The following TTN variants were observed in gnomAD, a reference collection of about 807,000 sequenced individuals.
The protein encoded by TTN is connectin.
TTN carries 1,525 observed loss-of-function variants against 3,223.0 expected under a neutral mutation model. The observed-to-expected ratio is 0.47, with a 90% CI of 0.45 to 0.49. The LOEUF is 0.49. TTN is among the 20% of genes least tolerant of loss of function. TTN has a pLI of 0.00. For missense variants in TTN, 40,786 were observed against 43,424.0 expected (o/e 0.94, Z 5.40); for synonymous variants, 14,094 against 15,161.0 (o/e 0.93, Z 5.17).
chr2:178,685,145 C>G (rs547876201), intron 129 of TTN, 108 bp downstream of exon 129: 3 of 1,194,752 alleles, frequency 2.5e-6, no homozygotes, highest in Admixed American at 2.5e-5. Context: ...TCTGACAAAA[C>G]GTAGACAGTT....
Position 178,732,600 on chromosome 2 carries a change from G to C in TTN, c.16461C>G (p.Asn5487Lys). ...AGCTTCCACCAGAAACCAGCTCTTT[G>C]TTGCCCTTAAACCATCTGATTGTGA... is the stretch of plus-strand genomic sequence containing the variant. ...TPLTIRWFKG[N>K]KELVSGGSCY... is the part of the protein sequence containing the mutation. The change falls in exon 56 of 363, where the codon AAC (asparagine) becomes AAG (lysine). Residue 5487 changes from asparagine (N) to lysine (K), a missense_variant. Coordinates refer to ENST00000589042, the MANE Select transcript of TTN (RefSeq NM_001267550.2). The C allele has an allele frequency of 6.2e-7, 1 of 1,613,614 alleles. No individual in the cohort carries two copies. The highest frequency in any genetic ancestry group is 8.5e-7 in the Non-Finnish European group (1 of 1,179,724).
Position 178,675,725 on chromosome 2 carries a change from C to G in TTN, c.34483G>C (p.Glu11495Gln), listed in dbSNP as rs1450849145. The change falls in exon 149 of 363, where the codon GAA becomes CAA. Residue 11495 changes from glutamate to glutamine, a missense_variant. By Grantham distance (29) the Glu-to-Gln change is conservative (BLOSUM62 2). Transcript: ENST00000589042. The part of the protein sequence containing the change: ...VSVVPKKPEP[E>Q]KKVPPPGLKK... ...AGACCAGGAGGAGGGACCTTCTTTT[C>G]TGGCTCAGGTTTCTTAGGTACCACA... 4.2e-6 allele frequency: 6 copies of G among 1,431,986 alleles called. No homozygotes were observed. Among genetic ancestry groups the G allele is most frequent in the Non-Finnish European group, 4.5e-6 (5 of 1,102,150 alleles). 88.7% of individuals were successfully genotyped at this position (1,431,986 alleles called of 1,614,324 possible).
At position 178,544,500 on chromosome 2, in the gene TTN, G is replaced by A; in HGVS notation, c.95729C>T (p.Pro31910Leu). The change falls in exon 345 of 363, where the codon CCT becomes CTT. Residue 31910 changes from proline to leucine, a missense_variant. Pro to Leu is a moderately conservative substitution (Grantham distance 98). Transcript: ENST00000589042. Reference protein sequence around the residue: ...FISCREPSYTPGPPSAPRVVD... With the variant: ...FISCREPSYTLGPPSAPRVVD... ...AACTCTTGGAGCAGAAGGTGGTCCA[G>A]GGGTATCTGTGGAATTTAAAAAGTG... The A allele has an allele frequency of 6.3e-7, 1 of 1,592,154 alleles. No homozygotes were observed. Among genetic ancestry groups the A allele is most frequent in the Non-Finnish European group, 8.6e-7 (1 of 1,164,332 alleles).
rs10580462 is a variant in TTN at position 178,647,040 on chromosome 2, GTATA to G, written c.40222+20_40222+23del. The G allele has an allele frequency of 0.02, 13,962 of 714,078 alleles. No homozygotes were observed. The highest frequency in any genetic ancestry group is 0.03 in the Middle Eastern group (63 of 2,092). 44.2% of individuals were successfully genotyped at this position (714,078 alleles called of 1,614,324 possible). A position where few individuals can be genotyped will look rare whatever the true frequency, so the allele number is the denominator to read the frequency against. On this transcript the variant is annotated intron_variant, in intron 215 of 362. Coordinates refer to ENST00000589042, the MANE Select transcript of TTN (RefSeq NM_001267550.2). ...GGAATCTTCAGGAGATTAAAAAAATGTATATATATATATATATATATACCTTCAA... is the reference window on the plus strand; with the variant it reads ...GGAATCTTCAGGAGATTAAAAAAATGTATATATATATATATATACCTTCAA...
intron 17 of TTN, among the ~76,000 whole-genome samples, 186 bp from the exon 18 acceptor site, chr2:178,783,250 G>A (rs1381193141): frequency 6.6e-6 from 1 of 152,112 alleles, no homozygotes; most frequent in Non-Finnish European, 1.5e-5. Context: ...TTAGTAAAGA[G>A]CTGTAAGGCT....
Position 178,560,469 on chromosome 2 carries a change from T to C in TTN, c.85663A>G (p.Thr28555Ala). Reference sequence around the variant, plus strand: ...GTCACAGAAGTAATTTCCAAAGACGTGGGTGGACTTGGAACTGTAAATGGA... The same window carrying C: ...GTCACAGAAGTAATTTCCAAAGACGCGGGTGGACTTGGAACTGTAAATGGA... Reference protein sequence around the residue: ...LDPFTVPSPPTSLEITSVTKE... With the variant: ...LDPFTVPSPPASLEITSVTKE... The change falls in exon 326 of 363, where the codon ACG (threonine) becomes GCG (alanine). Residue 28555 changes from threonine (T) to alanine (A), a missense_variant. By Grantham distance (58) the Thr-to-Ala change is moderately conservative (BLOSUM62 0). Coordinates refer to ENST00000589042, the MANE Select transcript of TTN (RefSeq NM_001267550.2). The C allele has an allele frequency of 6.2e-7, 1 of 1,613,422 alleles. No homozygotes were observed. Among genetic ancestry groups the C allele is most frequent in the Non-Finnish European group, 8.5e-7 (1 of 1,179,696 alleles).
At chr2:178,612,711 A>G (rs1278388145) in intron 265 of TTN, 62 bp downstream of exon 265, 1 of 1,552,662 alleles carries the variant, frequency 6.4e-7, no homozygotes, top group Non-Finnish European at 8.6e-7. Flanking sequence ...ATTTTCTCAT[A>G]TCGTAGCTCA....
In TTN at chr2:178,704,200, T is replaced by C. The variant is rs2075483683; in HGVS notation, c.30170A>G (p.Gln10057Arg). 6.2e-7 allele frequency: 1 copy of C among 1,614,038 alleles called. No individual in the cohort carries two copies. Among genetic ancestry groups the C allele is most frequent in the Non-Finnish European group, 8.5e-7 (1 of 1,179,878 alleles). ...IADVRAEDQGQYTCKYEDLET... is the reference protein window; with the variant it reads ...IADVRAEDQGRYTCKYEDLET... Reference sequence around the variant, plus strand: ...AAGGTCTTCATATTTGCAGGTGTACTGACCCTGGTCTTCTGCTCGAACATC... The same window carrying C: ...AAGGTCTTCATATTTGCAGGTGTACCGACCCTGGTCTTCTGCTCGAACATC... Residue 10057 changes from glutamine (Q) to arginine (R), a missense_variant, in exon 106 of 363, where the codon CAG becomes CGG. Physicochemically the swap from Gln to Arg is conservative, Grantham distance 43 (BLOSUM62 1). Coordinates refer to ENST00000589042, the MANE Select transcript of TTN (RefSeq NM_001267550.2).
In TTN at chr2:178,694,597, A is replaced by AC; in HGVS notation, c.31426+1dup. The stretch of plus-strand genomic sequence containing the variant: ...TTGTAGCTGAAACACAAAGATGTAT[A>AC]CCTTTCACTTCAATAACTTCTTCCT... On this transcript the variant is annotated splice_donor_variant, in intron 117 of 362. Coordinates refer to ENST00000589042, the MANE Select transcript of TTN (RefSeq NM_001267550.2). LOFTEE classifies it high-confidence loss of function. 1 of 1,552,130 alleles carries AC rather than the reference A, an allele frequency of 6.4e-7. No individual in the cohort carries two copies.
chr2:178,620,627 T>G lies in TTN; in HGVS notation c.45896-2A>C. The G allele has an allele frequency of 6.2e-7, 1 of 1,605,026 alleles. No homozygotes were observed. The highest frequency in any genetic ancestry group is 1.1e-5 in the South Asian group (1 of 88,898). On this transcript the variant is annotated splice_acceptor_variant, in intron 247 of 362. Coordinates refer to ENST00000589042, the MANE Select transcript of TTN (RefSeq NM_001267550.2). LOFTEE classifies it high-confidence loss of function. ...GCTCAACAATCCTAAGGTCTTCCTC[T>G]GTTGTAAAGGAGAAAAATATGTTGA... is the stretch of plus-strand genomic sequence containing the variant.
In TTN at chr2:178,547,218, C is replaced by T. The variant is rs550306496; in HGVS notation, c.94307G>A (p.Gly31436Asp). 10 of 1,613,836 alleles carry T rather than the reference C, an allele frequency of 6.2e-6. No individual in the cohort carries two copies. Among genetic ancestry groups the T allele is most frequent in the Non-Finnish European group, 8.5e-6 (10 of 1,179,770 alleles). ...CCAGTAGCCAATGATTTTACTGCCA[C>T]CATCGTGGTAGGGTTCTTCCCAACG... ...SIRWEEPYHD[G>D]GSKIIGYWVE... Residue 31436 changes from glycine to aspartate, a missense_variant, in exon 340 of 363, where the codon GGT (glycine) becomes GAT (aspartate). Transcript: ENST00000589042.
At chr2:178,543,735 A>C in intron 346 of TTN, 73 bp from the exon 347 acceptor site, 1 of 1,522,234 alleles carries the variant, frequency 6.6e-7, no homozygotes, top group Admixed American at 2.1e-5. Context: ...AAATATAATC[A>C]ACATAGTTCC....
rs533233569 is a variant in TTN, at chr2:178,548,356, A to G, written c.93270T>C (p.Val31090=). ...CAACACCATACTCATTTACTGCAGA[A>G]ACACGGAAATAGTACGGAACACCTT... ...LAEGVPYYFR[V]SAVNEYGVGE... Residue 31090 remains valine (V), a synonymous_variant, in exon 339 of 363, where the codon GTT becomes GTC. Coordinates refer to ENST00000589042, the MANE Select transcript of TTN (RefSeq NM_001267550.2). The surrounding 1 kb of genome is among the most constrained non-coding windows in gnomAD (Gnocchi z 4.3). The G allele has an allele frequency of 4.1e-5, 66 of 1,613,866 alleles. 1 individual carries two copies. In the South Asian group the frequency reaches 6.6e-4, roughly 16 times the overall value.
Position 178,584,223 on chromosome 2 carries a change from G to T in TTN, c.65275+53C>A, listed in dbSNP as rs564624029. On this transcript the variant is annotated intron_variant, in intron 311 of 362. Transcript: ENST00000589042. ...AAATCTTAGACTCCGAGATTTAAATGTGCCTCCATAATACTAAAACAACAA... is the reference window on the plus strand; with the variant it reads ...AAATCTTAGACTCCGAGATTTAAATTTGCCTCCATAATACTAAAACAACAA... 4 of 1,506,936 alleles carry T rather than the reference G, an allele frequency of 2.7e-6. No individual in the cohort carries two copies. In the African/African-American group the frequency reaches 5.6e-5, roughly 21 times the overall value. 93.3% of individuals were successfully genotyped at this position (1,506,936 alleles called of 1,614,324 possible). A position where few individuals can be genotyped will look rare whatever the true frequency, so the allele number is the denominator to read the frequency against.
At position 178,799,556 on chromosome 2, in the gene TTN, G is replaced by T. The variant is rs878981404; in HGVS notation, c.845C>A (p.Ser282Tyr). The change falls in exon 6 of 363, where the codon TCC becomes TAC. Residue 282 changes from serine (S) to tyrosine (Y), a missense_variant. By Grantham distance (144) the Ser-to-Tyr change is moderately radical. Coordinates refer to ENST00000589042, the MANE Select transcript of TTN (RefSeq NM_001267550.2). ...AGGGGAGTGTCTTATGGGCGATGGG[G>T]ACTGCTGCCGAGCCAGCTGTGCTTT... ...AAKAQLARQQ[S>Y]PSPIRHSPSP... 1.2e-6 allele frequency: 2 copies of T among 1,614,174 alleles called. No individual in the cohort carries two copies. Among genetic ancestry groups the T allele is most frequent in the Admixed American group, 1.7e-5 (1 of 60,026 alleles).
In TTN at chr2:178,579,761, C is replaced by T. The variant is rs2047268988; in HGVS notation, c.67436G>A (p.Gly22479Asp). The change falls in exon 319 of 363, where the codon GGT (glycine) becomes GAT (aspartate). Residue 22479 changes from glycine (G) to aspartate (D), a missense_variant. Coordinates refer to ENST00000589042, the MANE Select transcript of TTN (RefSeq NM_001267550.2). ...TACATATCCAATAATCCGACTTCCA[C>T]CATCACTGTGAGGCTTTTTCCAGCC... ...SIGWKKPHSD[G>D]GSRIIGYVVD... The T allele has an allele frequency of 6.2e-7, 1 of 1,613,340 alleles. No homozygotes were observed. Among genetic ancestry groups the T allele is most frequent in the Non-Finnish European group, 8.5e-7 (1 of 1,179,526 alleles).
intron 10 of TTN, among the ~76,000 whole-genome samples, chr2:178,791,634 C>T (rs147283317): frequency 1.1e-4 from 17 of 149,258 alleles, no homozygotes; most frequent in African/African-American, 3.7e-4. Flanking sequence ...GCTATTTATT[C>T]GGGGTGTTTA....
chr2:178,631,412 G>A, intron 236 of TTN, 112 bp from the exon 237 acceptor site: 1 of 1,198,252 alleles, frequency 8.3e-7, no homozygotes, highest in East Asian at 2.6e-5. Flanking sequence ...TTAAAATTGT[G>A]TCAAGTGTTC....
At position 178,599,153 on chromosome 2, in the gene TTN, G is replaced by T. The variant is rs200544272; in HGVS notation, c.56640C>A (p.Asn18880Lys). ...AAATGTTCTCCTACTTACAGAAGAG[G>T]TTTCTTGCTGTTTCAGGTTCACTGT... The part of the protein sequence containing the change: ...PLDSEPETAR[N>K]LFSVPGAPDK... The change falls in exon 290 of 363, where the codon AAC (asparagine) becomes AAA (lysine). Residue 18880 changes from asparagine to lysine, a missense_variant. By Grantham distance (94) the Asn-to-Lys change is moderately conservative (BLOSUM62 0). Transcript: ENST00000589042. 26 of 1,505,286 alleles carry T rather than the reference G, an allele frequency of 1.7e-5. No individual in the cohort carries two copies. In the African/African-American group the frequency reaches 3.2e-4, roughly 19 times the overall value. 93.2% of individuals were successfully genotyped at this position (1,505,286 alleles called of 1,614,324 possible). A position where few individuals can be genotyped will look rare whatever the true frequency, so the allele number is the denominator to read the frequency against.
Sources: allele counts gnomAD v4.1 joint callset (sites outside exome capture counted in the v4.1 genomes callset), GRCh38; gene constraint gnomAD v4.1.1; non-coding constraint Gnocchi (gnomAD v3.1); transcripts MANE v1.5; gene names NCBI Gene and HGNC (gene_info 2026-07-23, HGNC 2026-07-21).